The following ANKMY1 variants were observed in gnomAD, a reference collection of about 807,000 sequenced individuals.
ANKMY1 encodes ankyrin repeat and MYND domain containing 1.
In ANKMY1, 98 loss-of-function variants were observed where a neutral mutation model predicts 102.0. That is an observed-to-expected ratio of 0.96 (90% CI 0.82 to 1.14). The LOEUF is 1.14. Among genes scored for constraint, ANKMY1 ranks in the 50% most tolerant of loss-of-function variants. The probability of loss-of-function intolerance (pLI) is 0.00; values close to 1 mark genes in which losing one functional copy is unlikely to be tolerated. For missense variants in ANKMY1, 1,330 were observed against 1,347.6 expected, an observed-to-expected ratio of 0.99 and a Z score of 0.20; for synonymous variants, 582 against 559.9, an observed-to-expected ratio of 1.04 and a Z score of -0.56.
chr2:240,500,209 A>G (rs1282121686), intron 14 of ANKMY1, 86 bp from the exon 15 acceptor site: 1 of 1,443,136 alleles, frequency 6.9e-7, no homozygotes, highest in Non-Finnish European at 9.2e-7. Flanking sequence ...GGCTCCTGTC[A>G]GCTCTTGTGA....
At chr2:240,485,702 AC>A (rs1013664470) in intron 15 of ANKMY1, among the ~76,000 whole-genome samples, 5 of 151,680 alleles carry the variant, frequency 3.3e-5, no homozygotes, top group Non-Finnish European at 7.4e-5. Context: ...TGATCCTCCC[AC>A]CTCAGCCTCC....
At chr2:240,557,801 G>T in intron 1 of ANKMY1, 80 bp downstream of exon 1, 1 of 901,366 alleles carries the variant, frequency 1.1e-6, no homozygotes, top group Non-Finnish European at 1.3e-6. Context: ...CGAGCCTGGC[G>T]CCCCCCCGCA....
rs763662417 is a variant in ANKMY1, at chr2:240,520,565, G to A, written c.1833-32C>T. 1 of 1,593,966 alleles carries A rather than the reference G, an allele frequency of 6.3e-7. No homozygotes were observed. Among genetic ancestry groups the A allele is most frequent in the South Asian group, 1.1e-5 (1 of 87,600 alleles). On this transcript the variant is annotated intron_variant, in intron 8 of 17. Coordinates refer to ENST00000401804, the MANE Select transcript of ANKMY1 (RefSeq NM_001282771.3). The surrounding 1 kb of genome is among the most constrained non-coding windows in gnomAD (Gnocchi z 4.8). ...AAGACGGTGCGCCCGTGGGCCCCTGGAGGGCAGGCACCTGCACTGCGCCCA... is the reference window on the plus strand; with the variant it reads ...AAGACGGTGCGCCCGTGGGCCCCTGAAGGGCAGGCACCTGCACTGCGCCCA...
chr2:240,515,878 C>T (rs200025768), intron 9 of ANKMY1, among the ~76,000 whole-genome samples: 58 of 146,030 alleles, frequency 4.0e-4, no homozygotes, highest in African/African-American at 1.3e-3. Flanking sequence ...CCACCATGCC[C>T]GGCTAATTTT....
chr2:240,556,163 C>G lies in ANKMY1; in HGVS notation c.146+1027G>C, dbSNP rs979568749. On this transcript the variant is annotated intron_variant, in intron 2 of 17. Transcript: ENST00000401804. ...TCTTCACCACCCCATCTAAACCCAG[C>G]CACCTCCCAAAGCCCATTGTTGGGA... Among the ~76,000 whole-genome samples the G allele has an allele frequency of 4.6e-5, 7 of 152,312 alleles. No individual in the cohort carries two copies. The East Asian group carries it at 1.2e-3, about 25-fold the overall frequency.
intron 9 of ANKMY1, among the ~76,000 whole-genome samples, chr2:240,518,667 A>T (rs2081595599): frequency 6.6e-6 from 1 of 152,226 alleles, no homozygotes. Context: ...TGAAAGATAA[A>T]TGTGTAAATA....
chr2:240,518,564 A>G (rs2081580648), intron 9 of ANKMY1, among the ~76,000 whole-genome samples: 1 of 152,216 alleles, frequency 6.6e-6, no homozygotes, highest in Non-Finnish European at 1.5e-5. Flanking sequence ...TCTGTGCAGT[A>G]AGCAGCAGGA....
At chr2:240,485,084 T>G (rs1459311760) in intron 15 of ANKMY1, among the ~76,000 whole-genome samples, 3 of 152,010 alleles carry the variant, frequency 2.0e-5, no homozygotes, top group African/African-American at 7.2e-5. Flanking sequence ...ATCCCAGCAC[T>G]TTGGGAGGCT....
intron 9 of ANKMY1, among the ~76,000 whole-genome samples, chr2:240,517,396 T>C (rs2081375680): frequency 6.6e-6 from 1 of 152,208 alleles, no homozygotes; most frequent in Non-Finnish European, 1.5e-5. Flanking sequence ...GTTCTCCCAA[T>C]TCATGCAGGG....
At chr2:240,545,935 T>C (rs1031015978) in intron 4 of ANKMY1, among the ~76,000 whole-genome samples, 2 of 152,208 alleles carry the variant, frequency 1.3e-5, no homozygotes, top group Non-Finnish European at 2.9e-5. Context: ...GAAAACACTC[T>C]GCAGGATATC....
the ANKMY1 span, among the ~76,000 whole-genome samples, chr2:240,469,115 C>G: frequency 6.6e-6 from 1 of 152,204 alleles, no homozygotes; most frequent in Non-Finnish European, 1.5e-5. Flanking sequence ...TTGTGGACAA[C>G]GCATTTGGTC....
downstream of ANKMY1, among the ~76,000 whole-genome samples, chr2:240,476,367 C>A (rs1195519257): frequency 1.3e-5 from 2 of 152,194 alleles, no homozygotes; most frequent in African/African-American, 4.8e-5. Flanking sequence ...ACCACAGTAT[C>A]ATCTCACAAG....
Position 240,512,944 on chromosome 2 carries a change from T to C in ANKMY1, c.2005-2A>G. On this transcript the variant is annotated splice_acceptor_variant, in intron 9 of 17. Transcript: ENST00000401804. LOFTEE classifies it high-confidence loss of function. ...GTGGAGTGGTGTCAGGGTGCTCAGCTGCAGAGGAAACACCGGGGCGGGCAG... is the reference window on the plus strand; with the variant it reads ...GTGGAGTGGTGTCAGGGTGCTCAGCCGCAGAGGAAACACCGGGGCGGGCAG... The C allele has an allele frequency of 6.2e-7, 1 of 1,611,096 alleles. No individual in the cohort carries two copies. The highest frequency in any genetic ancestry group is 8.5e-7 in the Non-Finnish European group (1 of 1,178,342).
At chr2:240,540,529 G>A (rs13406305) in intron 4 of ANKMY1, among the ~76,000 whole-genome samples, 22,511 of 152,134 alleles carry the variant, frequency 0.15, 1,753 homozygotes, top group South Asian at 0.28. Context: ...TGAGACTCCA[G>A]GCCCCTCATT....
intron 9 of ANKMY1, among the ~76,000 whole-genome samples, chr2:240,515,594 G>T (rs1382207457): frequency 6.6e-6 from 1 of 152,304 alleles, no homozygotes; most frequent in Non-Finnish European, 1.5e-5. Flanking sequence ...GTCTTACCTT[G>T]TGATGTTTAA....
At chr2:240,493,780 G>A (rs1419908954) in intron 15 of ANKMY1, among the ~76,000 whole-genome samples, 1 of 152,142 alleles carries the variant, frequency 6.6e-6, no homozygotes, top group Non-Finnish European at 1.5e-5. Context: ...GTGTACACTG[G>A]CACTTGTGTT....
downstream of ANKMY1, among the ~76,000 whole-genome samples, chr2:240,477,697 C>A (rs1330762997): frequency 6.6e-6 from 1 of 152,184 alleles, no homozygotes; most frequent in Admixed American, 6.5e-5. Flanking sequence ...ATTTTTATCA[C>A]TCTTGTCTTT....
chr2:240,529,396 G>T lies in ANKMY1; in HGVS notation c.594C>A (p.Ile198=), dbSNP rs755092096. The change falls in exon 5 of 18, where the codon ATC becomes ATA. Residue 198 remains isoleucine, a synonymous_variant. Coordinates refer to ENST00000401804, the MANE Select transcript of ANKMY1 (RefSeq NM_001282771.3). The surrounding 1 kb of genome is among the most constrained non-coding windows in gnomAD (Gnocchi z 4.2). ...ATCTGAGGAGGGAGAAGCCACTGGG[G>T]ATCTGGGTGCACAGCTTGATGAGCT... ...REQLIKLCTQ[I]PSGFSLLRYP... is the part of the protein sequence containing the mutation. 6.2e-7 allele frequency: 1 copy of T among 1,614,206 alleles called. No homozygotes were observed. Among genetic ancestry groups the T allele is most frequent in the Non-Finnish European group, 8.5e-7 (1 of 1,180,040 alleles).
At chr2:240,476,626 A>G (rs1234808666), downstream of ANKMY1, among the ~76,000 whole-genome samples, 1 of 152,248 alleles carries the variant, frequency 6.6e-6, no homozygotes. Flanking sequence ...CCCTACGGCA[A>G]CTAAGAGGCA....
Sources: gnomAD v4.1 joint callset for allele counts (sites outside exome capture counted in the v4.1 genomes callset) on GRCh38, gnomAD v4.1.1 for gene constraint, Gnocchi (gnomAD v3.1) non-coding constraint, MANE v1.5 for transcripts, NCBI Gene and HGNC (gene_info 2026-07-23, HGNC 2026-07-21) for gene names.